AGBL4: variants seen among roughly 807,000 people sequenced by gnomAD.
AGBL4 encodes the protein cytosolic carboxypeptidase 6.
A neutral mutation model predicts 66.4 loss-of-function variants in AGBL4; 58 were observed. The ratio of observed to expected loss-of-function variants is 0.87; its 90% CI spans 0.71 to 1.09. The LOEUF is 1.09. Ranked by LOEUF, AGBL4 falls within the 50% of genes least tolerant of loss-of-function variation. The pLI is 0.00. For synonymous variants in AGBL4, 234 were observed against 222.9 expected (o/e 1.05, Z -0.44); for missense variants, 579 against 631.0 (o/e 0.92, Z 0.88).
chr1:50,019,807 G>C (rs1363270450), intron 1 of AGBL4, among the ~76,000 whole-genome samples: 2 of 151,992 alleles, frequency 1.3e-5, no homozygotes, highest in African/African-American at 4.8e-5. Flanking sequence ...AAAAGAAGCA[G>C]GTGCAATCTA....
intron 3 of AGBL4, among the ~76,000 whole-genome samples, chr1:49,430,707 T>C (rs1381819697): frequency 2.0e-5 from 3 of 152,200 alleles, no homozygotes; most frequent in African/African-American, 7.2e-5. Context: ...ATTTTCATAA[T>C]CTGAACACAT....
At chr1:49,916,476 G>A (rs568251438) in intron 1 of AGBL4, among the ~76,000 whole-genome samples, 199 of 152,296 alleles carry the variant, frequency 1.3e-3, no homozygotes, top group African/African-American at 4.5e-3. Flanking sequence ...CTCAAAGAAA[G>A]GGTATCAGTG....
At chr1:49,403,029 A>C (rs994361668) in intron 3 of AGBL4, among the ~76,000 whole-genome samples, 5 of 152,252 alleles carry the variant, frequency 3.3e-5, no homozygotes, top group African/African-American at 1.2e-4. Context: ...GATATTAAGT[A>C]TGCTTTTGTT....
At chr1:48,772,405 C>A (rs900631553) in intron 6 of AGBL4, among the ~76,000 whole-genome samples, 1 of 152,184 alleles carries the variant, frequency 6.6e-6, no homozygotes. Flanking sequence ...CCTTCCCCAC[C>A]TGTAGGTGAG....
At chr1:49,136,457 T>C (rs1646013319) in intron 4 of AGBL4, among the ~76,000 whole-genome samples, 1 of 152,198 alleles carries the variant, frequency 6.6e-6, no homozygotes, top group Non-Finnish European at 1.5e-5. Context: ...GTTCCCATAG[T>C]TGACAGGCAA....
At chr1:49,552,980 T>A (rs1482290218) in intron 3 of AGBL4, among the ~76,000 whole-genome samples, 1 of 152,204 alleles carries the variant, frequency 6.6e-6, no homozygotes, top group African/African-American at 2.4e-5. Flanking sequence ...AATACAAAGA[T>A]TAATATGACC....
intron 12 of AGBL4, among the ~76,000 whole-genome samples, chr1:48,538,553 C>A (rs575832424): frequency 9.2e-5 from 14 of 152,286 alleles, no homozygotes; most frequent in African/African-American, 2.6e-4. Context: ...GCTTTCAAAT[C>A]ATAAAAGCCT....
chr1:49,405,211 G>T (rs1645171214), intron 3 of AGBL4, among the ~76,000 whole-genome samples: 1 of 152,094 alleles, frequency 6.6e-6, no homozygotes, highest in South Asian at 2.1e-4. Flanking sequence ...GAGAGGCCCA[G>T]TCACCTCATA....
At chr1:49,249,481 A>T (rs116738856) in intron 3 of AGBL4, among the ~76,000 whole-genome samples, 1,650 of 152,308 alleles carry the variant, frequency 0.011, 11 homozygotes, top group Non-Finnish European at 0.017. Context: ...TATCAACATC[A>T]TTAATCATCA....
chr1:49,105,401 A>G (rs936290464), intron 4 of AGBL4, among the ~76,000 whole-genome samples: 2 of 152,178 alleles, frequency 1.3e-5, no homozygotes, highest in Non-Finnish European at 2.9e-5. Flanking sequence ...AGATCTGTCC[A>G]TGCCCCACCT....
At chr1:49,568,969 G>A (rs1479531426) in intron 3 of AGBL4, among the ~76,000 whole-genome samples, 1 of 152,186 alleles carries the variant, frequency 6.6e-6, no homozygotes, top group Non-Finnish European at 1.5e-5. Context: ...CTAAAATTTG[G>A]AAGTAACCTA....
intron 5 of AGBL4, among the ~76,000 whole-genome samples, chr1:48,877,050 A>C (rs1293471049): frequency 6.6e-6 from 1 of 152,156 alleles, no homozygotes; most frequent in East Asian, 1.9e-4. Context: ...TTTTAAAGAA[A>C]AGTAAACTGA....
intron 3 of AGBL4, among the ~76,000 whole-genome samples, chr1:49,652,930 G>A (rs535348525): frequency 5.3e-5 from 8 of 152,176 alleles, no homozygotes; most frequent in African/African-American, 1.7e-4. Flanking sequence ...CGAGGATTCT[G>A]CCCAACTGCA....
At chr1:49,345,193 T>C (rs1645613100) in intron 3 of AGBL4, among the ~76,000 whole-genome samples, 1 of 152,202 alleles carries the variant, frequency 6.6e-6, no homozygotes, top group African/African-American at 2.4e-5. Context: ...AAATGTGTTA[T>C]TGGTATGTGT....
chr1:49,806,509 A>C (rs1417645708), intron 2 of AGBL4, among the ~76,000 whole-genome samples: 1 of 152,226 alleles, frequency 6.6e-6, no homozygotes, highest in Non-Finnish European at 1.5e-5. Context: ...TTAAAGATGG[A>C]ATTTTAAATA....
intron 1 of AGBL4, chr1:49,995,130 C>T (rs1042732905): frequency 2.2e-6 from 1 of 456,170 alleles, no homozygotes. Context: ...CTCAAAGTTT[C>T]CTGGACAGAA....
At chr1:48,997,310 G>A (rs997376781) in intron 5 of AGBL4, among the ~76,000 whole-genome samples, 41 of 152,176 alleles carry the variant, frequency 2.7e-4, no homozygotes, top group Admixed American at 2.6e-3. Flanking sequence ...GTTGGACTTA[G>A]AGAGGAATAA....
intron 9 of AGBL4, among the ~76,000 whole-genome samples, chr1:48,597,620 G>A (rs1489696372): frequency 6.7e-6 from 1 of 148,204 alleles, no homozygotes; most frequent in Non-Finnish European, 1.5e-5. Context: ...TTTCAAAAAG[G>A]AAATGGAGAT....
chr1:48,865,272 A>T (rs1189089688), intron 6 of AGBL4, among the ~76,000 whole-genome samples: 1 of 152,174 alleles, frequency 6.6e-6, no homozygotes, highest in South Asian at 2.1e-4. Flanking sequence ...GCATGATCCA[A>T]TGGTGCTTCC....
Sources: gnomAD v4.1 joint callset for allele counts (sites outside exome capture counted in the v4.1 genomes callset) on GRCh38, gnomAD v4.1.1 for gene constraint, MANE v1.5 for transcripts, NCBI Gene and HGNC (gene_info 2026-07-23, HGNC 2026-07-21) for gene names.